Variants in DPP10 observed in about 807,000 individuals in gnomAD.
The protein encoded by DPP10 is dipeptidyl peptidase like 10.
DPP10 carries 33 observed loss-of-function variants against 120.9 expected under a neutral mutation model. The ratio of observed to expected loss-of-function variants is 0.27; its 90% CI spans 0.21 to 0.37. The LOEUF is 0.37. DPP10 is among the 10% of genes least tolerant of loss of function. DPP10 has a pLI of 1.00. For missense variants in DPP10, 816 were observed against 942.8 expected (o/e 0.87, Z 1.76); for synonymous variants, 337 against 326.1 (o/e 1.03, Z -0.36).
At chr2:115,595,321 C>G (rs2082921254) in intron 5 of DPP10, among the ~76,000 whole-genome samples, 1 of 151,960 alleles carries the variant, frequency 6.6e-6, no homozygotes, top group East Asian at 1.9e-4. Flanking sequence ...AAACTTTATC[C>G]AAAAGAGAAA....
At chr2:115,000,024 T>TA (rs932407554) in intron 1 of DPP10, among the ~76,000 whole-genome samples, 37 of 151,836 alleles carry the variant, frequency 2.4e-4, no homozygotes, top group African/African-American at 8.9e-4. Flanking sequence ...TAGTTTTTTT[T>TA]TAATTTATCA....
chr2:115,162,091 C>A (rs1395632518), intron 1 of DPP10: 1 of 1,496,548 alleles, frequency 6.7e-7, no homozygotes, highest in Non-Finnish European at 8.9e-7. Context: ...GCGCTCCGCC[C>A]GCCTCCCGCT....
At chr2:115,590,530 G>A (rs1185270230) in intron 5 of DPP10, among the ~76,000 whole-genome samples, 2 of 152,158 alleles carry the variant, frequency 1.3e-5, no homozygotes, top group South Asian at 2.1e-4. Context: ...GTATTCCATG[G>A]TGTATATGTG....
chr2:115,224,617 T>C (rs2057343235), intron 1 of DPP10, among the ~76,000 whole-genome samples: 1 of 152,146 alleles, frequency 6.6e-6, no homozygotes, highest in African/African-American at 2.4e-5. Context: ...ATGGTGATTG[T>C]AGTTAATAAC....
At chr2:114,553,089 C>T (rs528806085) in intron 1 of DPP10, among the ~76,000 whole-genome samples, 1 of 152,318 alleles carries the variant, frequency 6.6e-6, no homozygotes, top group South Asian at 2.1e-4. Flanking sequence ...TTTCACTTGT[C>T]TTATCTATAA....
At chr2:115,562,415 A>G (rs1033351479) in intron 5 of DPP10, among the ~76,000 whole-genome samples, 5 of 152,134 alleles carry the variant, frequency 3.3e-5, no homozygotes, top group African/African-American at 1.2e-4. Flanking sequence ...TTGAGACCAT[A>G]TGCTTTTTCA....
rs141172786 is a variant in DPP10, at chr2:115,124,300, A to C, written c.61-184939A>C. On this transcript the variant is annotated intron_variant, in intron 1 of 25. Coordinates refer to ENST00000410059, the MANE Select transcript of DPP10 (RefSeq NM_020868.6). Reference sequence around the variant, plus strand: ...ATGACTTCCTATTATTTTTGGAATAAATTCCAAAATTATTGACATAGCTCC... The same window carrying C: ...ATGACTTCCTATTATTTTTGGAATACATTCCAAAATTATTGACATAGCTCC... Among the ~76,000 whole-genome samples the C allele has an allele frequency of 9.7e-4, 148 of 152,258 alleles. 1 individual carries two copies. The Middle Eastern group carries it at 0.02, about 21-fold the overall frequency.
intron 1 of DPP10, among the ~76,000 whole-genome samples, chr2:115,005,688 G>A (rs546239983): frequency 0.016 from 2,505 of 152,080 alleles, 56 homozygotes; most frequent in African/African-American, 0.048. Context: ...AAAGAAATGA[G>A]CAAAGCCTCC....
chr2:115,077,807 A>G (rs1034410489), intron 1 of DPP10, among the ~76,000 whole-genome samples: 6 of 152,174 alleles, frequency 3.9e-5, no homozygotes, highest in African/African-American at 1.4e-4. Context: ...CTTTTTCTGT[A>G]ATATTTCAGG....
chr2:115,230,255 T>C (rs536980248), intron 1 of DPP10, among the ~76,000 whole-genome samples: 1 of 152,212 alleles, frequency 6.6e-6, no homozygotes, highest in African/African-American at 2.4e-5. Flanking sequence ...GAAATGGCTA[T>C]TTTAATGTTG....
At chr2:114,446,804 T>C (rs192893957) in intron 1 of DPP10, among the ~76,000 whole-genome samples, 30 of 152,218 alleles carry the variant, frequency 2.0e-4, no homozygotes, top group Non-Finnish European at 3.8e-4. Context: ...TCCCCCTTGC[T>C]ACTTCTAATC....
At chr2:115,226,199 G>C (rs1220677343) in intron 1 of DPP10, among the ~76,000 whole-genome samples, 1 of 152,180 alleles carries the variant, frequency 6.6e-6, no homozygotes, top group Non-Finnish European at 1.5e-5. Context: ...GGGTGAGCTC[G>C]ACTGTCTAGG....
chr2:114,511,247 T>C (rs867226911), intron 1 of DPP10, among the ~76,000 whole-genome samples: 3 of 152,388 alleles, frequency 2.0e-5, no homozygotes, highest in South Asian at 4.1e-4. Context: ...TTTTTATATT[T>C]AGCCTTGAAT....
At chr2:115,824,175 T>TA (rs925427372) in intron 21 of DPP10, among the ~76,000 whole-genome samples, 2 of 152,138 alleles carry the variant, frequency 1.3e-5, no homozygotes, top group African/African-American at 4.8e-5. Flanking sequence ...TTATGAAATT[T>TA]AAAAAAATGC....
rs187801670 is a variant in DPP10, at chr2:115,414,064, G to A, written c.271+70152G>A. Among the ~76,000 whole-genome samples, 16 of 152,194 alleles carry A rather than the reference G, an allele frequency of 1.1e-4. No homozygotes were observed. The East Asian group carries it at 3.1e-3, about 29-fold the overall frequency. On this transcript the variant is annotated intron_variant, in intron 3 of 25. Transcript: ENST00000410059. ...TGAGGAAGAGCCTTTAGCTTCTCCC[G>A]TCTCTTAATACAAACCTGATTCATG...
At chr2:115,280,999 C>T (rs1236521651) in intron 1 of DPP10, among the ~76,000 whole-genome samples, 6 of 152,172 alleles carry the variant, frequency 3.9e-5, no homozygotes, top group African/African-American at 1.4e-4. Flanking sequence ...ATCCAATCCT[C>T]ATAAACAGTA....
chr2:114,924,631 A>G (rs1490784836), intron 1 of DPP10, among the ~76,000 whole-genome samples: 1 of 152,034 alleles, frequency 6.6e-6, no homozygotes, highest in African/African-American at 2.4e-5. Context: ...GATGAAATTG[A>G]GGGAAAATAG....
At chr2:115,090,726 G>A (rs1709176154) in intron 1 of DPP10, among the ~76,000 whole-genome samples, 2 of 151,996 alleles carry the variant, frequency 1.3e-5, no homozygotes, top group Admixed American at 6.6e-5. Context: ...TACGGTCTAA[G>A]AGTATTTATT....
chr2:115,271,933 A>G (rs2059716229), intron 1 of DPP10, among the ~76,000 whole-genome samples: 1 of 152,246 alleles, frequency 6.6e-6, no homozygotes, highest in African/African-American at 2.4e-5. Context: ...ATTTAATCAA[A>G]TACATGTGCA....
Sources: allele counts gnomAD v4.1 joint callset (sites outside exome capture counted in the v4.1 genomes callset), GRCh38; gene constraint gnomAD v4.1.1; transcripts MANE v1.5; gene names NCBI Gene and HGNC (gene_info 2026-07-23, HGNC 2026-07-21).